The following ST8SIA1 variants were observed in gnomAD, a reference collection of about 807,000 sequenced individuals.
ST8SIA1 encodes alpha-N-acetylneuraminide alpha-2,8-sialyltransferase.
A neutral mutation model predicts 35.9 loss-of-function variants in ST8SIA1; 16 were observed. The ratio of observed to expected loss-of-function variants is 0.45; its 90% CI spans 0.30 to 0.68. The LOEUF (loss-of-function observed/expected upper bound fraction) is 0.68, where lower values mean the gene tolerates loss of function less well. Among genes scored for constraint, ST8SIA1 ranks in the 30% least tolerant of loss-of-function variants. ST8SIA1 has a pLI of 0.09. For missense variants in ST8SIA1, 383 were observed against 453.6 expected (o/e 0.84, Z 1.41); for synonymous variants, 170 against 169.6 (o/e 1.00, Z -0.02).
At chr12:22,211,265 T>C (rs1395676901) in intron 4 of ST8SIA1, among the ~76,000 whole-genome samples, 3 of 152,200 alleles carry the variant, frequency 2.0e-5, no homozygotes, top group African/African-American at 7.2e-5. Flanking sequence ...TATGGAAGCT[T>C]CATTACATAG....
At chr12:22,247,235 A>G (rs1865617014) in intron 4 of ST8SIA1, among the ~76,000 whole-genome samples, 1 of 152,096 alleles carries the variant, frequency 6.6e-6, no homozygotes, top group African/African-American at 2.4e-5. Flanking sequence ...TTCAGGTAGA[A>G]AAACAGAATC....
intron 2 of ST8SIA1, among the ~76,000 whole-genome samples, chr12:22,265,058 T>C (rs1385790869): frequency 6.6e-6 from 1 of 152,252 alleles, no homozygotes; most frequent in Non-Finnish European, 1.5e-5. Context: ...TGGCATCAGT[T>C]CATGTGCCCA....
At chr12:22,280,731 C>T (rs1376787407) in intron 2 of ST8SIA1, among the ~76,000 whole-genome samples, 3 of 152,210 alleles carry the variant, frequency 2.0e-5, no homozygotes, top group Admixed American at 1.3e-4. Context: ...AACTCCATTG[C>T]ACTACCTCAC....
At chr12:22,218,941 G>C (rs924511671) in intron 4 of ST8SIA1, among the ~76,000 whole-genome samples, 3 of 152,094 alleles carry the variant, frequency 2.0e-5, no homozygotes, top group African/African-American at 7.2e-5. Context: ...GAATACCAAA[G>C]AATCTCTTTT....
chr12:22,281,188 T>C (rs766017859), intron 2 of ST8SIA1, among the ~76,000 whole-genome samples: 3 of 152,218 alleles, frequency 2.0e-5, no homozygotes, highest in Non-Finnish European at 4.4e-5. Flanking sequence ...GTTTTTATGG[T>C]GCATTCATTA....
intron 1 of ST8SIA1, among the ~76,000 whole-genome samples, chr12:22,314,893 G>A (rs944586254): frequency 1.3e-5 from 2 of 152,042 alleles, no homozygotes; most frequent in African/African-American, 2.4e-5. Context: ...CATCCTAACC[G>A]CCCAAGGTTT....
intron 1 of ST8SIA1, among the ~76,000 whole-genome samples, chr12:22,294,498 T>G (rs1866219456): frequency 6.6e-6 from 1 of 152,224 alleles, no homozygotes; most frequent in African/African-American, 2.4e-5. Flanking sequence ...TAATAAAAAG[T>G]CTTTTCAAAG....
intron 1 of ST8SIA1, among the ~76,000 whole-genome samples, chr12:22,314,730 T>C (rs778567508): frequency 4.6e-5 from 7 of 152,260 alleles, no homozygotes; most frequent in Middle Eastern, 3.4e-3. Flanking sequence ...TTCCCATTGT[T>C]TGTACTCTAG....
chr12:22,222,462 G>T (rs897821821), intron 4 of ST8SIA1, among the ~76,000 whole-genome samples: 1 of 152,152 alleles, frequency 6.6e-6, no homozygotes, highest in Non-Finnish European at 1.5e-5. Context: ...AAAGAAGTGA[G>T]AGAAAAGACA....
At chr12:22,214,978 T>G (rs1186248141) in intron 4 of ST8SIA1, among the ~76,000 whole-genome samples, 4 of 152,158 alleles carry the variant, frequency 2.6e-5, no homozygotes, top group African/African-American at 9.7e-5. Flanking sequence ...ATGCTCTGAA[T>G]TATATTGTGT....
intron 1 of ST8SIA1, among the ~76,000 whole-genome samples, chr12:22,330,224 C>T (rs1168020687): frequency 6.6e-6 from 1 of 152,190 alleles, no homozygotes; most frequent in Non-Finnish European, 1.5e-5. Flanking sequence ...CGATTTCCCT[C>T]CCTTCAGTAG....
chr12:22,286,096 C>T (rs1216923610), intron 2 of ST8SIA1, among the ~76,000 whole-genome samples: 2 of 152,116 alleles, frequency 1.3e-5, no homozygotes, highest in Non-Finnish European at 2.9e-5. Context: ...TCCTTTGACA[C>T]CTGGAAGCCT....
At chr12:22,211,512 T>C (rs775807383) in intron 4 of ST8SIA1, among the ~76,000 whole-genome samples, 2 of 152,220 alleles carry the variant, frequency 1.3e-5, no homozygotes, top group African/African-American at 2.4e-5. Flanking sequence ...CTAAGGATTT[T>C]AGGGGTTGTA....
At chr12:22,226,136 A>G (rs181604516) in intron 4 of ST8SIA1, among the ~76,000 whole-genome samples, 119 of 152,306 alleles carry the variant, frequency 7.8e-4, no homozygotes, top group Admixed American at 1.7e-3. Context: ...CATATTTTAT[A>G]CTCAAAAAAT....
intron 4 of ST8SIA1, among the ~76,000 whole-genome samples, chr12:22,218,346 A>G (rs1865257224): frequency 6.8e-6 from 1 of 147,916 alleles, no homozygotes; most frequent in Non-Finnish European, 1.5e-5. Flanking sequence ...GACCAGGCAC[A>G]GTGGCTCATG....
intron 3 of ST8SIA1, among the ~76,000 whole-genome samples, chr12:22,249,672 G>A (rs1009904637): frequency 6.6e-6 from 1 of 152,008 alleles, no homozygotes; most frequent in African/African-American, 2.4e-5. Flanking sequence ...CAGCCAAAGG[G>A]GCAAATTATC....
chr12:22,282,452 G>A (rs1866048594), intron 2 of ST8SIA1, among the ~76,000 whole-genome samples: 2 of 152,196 alleles, frequency 1.3e-5, no homozygotes, highest in Admixed American at 6.5e-5. Context: ...ACATGCCCAT[G>A]TGACTCATTC....
rs1264045273 is a variant in ST8SIA1, at chr12:22,194,824, C to A, written c.*6728G>T. On this transcript the variant is annotated 3_prime_UTR_variant, in exon 5 of 5. Coordinates refer to ENST00000396037, the MANE Select transcript of ST8SIA1 (RefSeq NM_003034.4). The stretch of plus-strand genomic sequence containing the variant: ...TGCTGCTATCACTGCCTCATCATGA[C>A]AGATGTAAATAATAATCTTATTTGG... The A allele has an allele frequency of 2.6e-5, 4 of 152,204 alleles. No individual in the cohort carries two copies. The South Asian group carries it at 8.3e-4, about 32-fold the overall frequency. The allele number at this position is 152,204 out of a possible 1,614,324, so 9.4% of individuals were successfully genotyped here.
At chr12:22,287,468 G>A (rs552529780) in intron 1 of ST8SIA1, among the ~76,000 whole-genome samples, 175 bp from the exon 2 acceptor site, 50 of 145,032 alleles carry the variant, frequency 3.4e-4, no homozygotes, top group Middle Eastern at 3.6e-3. Flanking sequence ...ACCAAAATGC[G>A]TGACTAGACT....
Sources: allele counts gnomAD v4.1 joint callset (sites outside exome capture counted in the v4.1 genomes callset), GRCh38; gene constraint gnomAD v4.1.1; transcripts MANE v1.5; gene names NCBI Gene and HGNC (gene_info 2026-07-23, HGNC 2026-07-21).